Variants in DDA1 observed in about 807,000 individuals in gnomAD.
DDA1 encodes the protein DET1 and DDB1 associated 1, also known as DET1- and DDB1-associated protein 1.
A neutral mutation model predicts 18.6 loss-of-function variants in DDA1; 3 were observed. The ratio of observed to expected loss-of-function variants is 0.16; its 90% CI spans 0.07 to 0.42. DDA1 has a LOEUF of 0.42. Ranked by LOEUF, DDA1 falls within the 10% of genes least tolerant of loss-of-function variation. The probability of loss-of-function intolerance (pLI) is 0.99; values close to 1 mark genes in which losing one functional copy is unlikely to be tolerated. For synonymous variants in DDA1, 52 were observed against 54.0 expected (o/e 0.96, Z 0.17); for missense variants, 105 against 138.2 (o/e 0.76, Z 1.20).
chr19:17,313,895 G>A, intron 1 of DDA1, 128 bp from the exon 2 acceptor site: 2 of 737,696 alleles, frequency 2.7e-6, no homozygotes, highest in Non-Finnish European at 4.7e-6. Flanking sequence ...CAGCTCAAGG[G>A]TGTGTTCTGG....
At position 17,320,576 on chromosome 19, in the gene DDA1, C is replaced by T. The variant is rs750040338; in HGVS notation, c.*920C>T. The T allele has an allele frequency of 3.3e-5, 5 of 152,416 alleles. No homozygotes were observed. Among genetic ancestry groups the T allele is most frequent in the Non-Finnish European group, 5.9e-5 (4 of 68,168 alleles). 9.4% of individuals were successfully genotyped at this position (152,416 alleles called of 1,614,324 possible). The stretch of plus-strand genomic sequence containing the variant: ...GGGGTCAGCCCCCTGCCTGGGATAC[C>T]GCCAAGCAGGGCAGCGCACCTGTCA... On this transcript the variant is annotated 3_prime_UTR_variant, in exon 5 of 5. Coordinates refer to ENST00000359866, the MANE Select transcript of DDA1 (RefSeq NM_024050.6).
At position 17,323,114 on chromosome 19, in the gene DDA1, A is replaced by G. The variant is rs2074248088; in HGVS notation, c.*3458A>G. On this transcript the variant is annotated 3_prime_UTR_variant, in exon 5 of 5. Transcript: ENST00000359866. ...ACCCAGTTTTTGGGAGGAGGCCCTC[A>G]TGGGTCAAGCCAGCCTGTACCAGGA... 1 of 152,808 alleles carries G rather than the reference A, an allele frequency of 6.5e-6. No individual in the cohort carries two copies. The highest frequency in any genetic ancestry group is 2.1e-4 in the South Asian group (1 of 4,832). 9.5% of individuals were successfully genotyped at this position (152,808 alleles called of 1,614,324 possible). A position where few individuals can be genotyped will look rare whatever the true frequency, so the allele number is the denominator to read the frequency against.
Position 17,319,702 on chromosome 19 carries a change from C to T in DDA1, c.*46C>T, listed in dbSNP as rs985400485. 28 of 1,516,954 alleles carry T rather than the reference C, an allele frequency of 1.8e-5. No individual in the cohort carries two copies. The highest frequency in any genetic ancestry group is 7.4e-5 in the East Asian group (3 of 40,552). 94.0% of individuals were successfully genotyped at this position (1,516,954 alleles called of 1,614,324 possible). ...CCTCCTGCCAGGTCTGCTCCTCGGT[C>T]GCCCACCCGCCTGCCCGCCATGTGT... On this transcript the variant is annotated 3_prime_UTR_variant, in exon 5 of 5. Transcript: ENST00000359866.
intron 3 of DDA1, 92 bp from the exon 4 acceptor site, chr19:17,315,842 G>A (rs1288398686): frequency 2.4e-5 from 29 of 1,232,194 alleles, no homozygotes; most frequent in Non-Finnish European, 3.5e-5. Context: ...GGGGTACTGA[G>A]TTCCAGCCCC....
At position 17,322,347 on chromosome 19, in the gene DDA1, C is replaced by T. The variant is rs1404762329; in HGVS notation, c.*2691C>T. On this transcript the variant is annotated 3_prime_UTR_variant, in exon 5 of 5. Transcript: ENST00000359866. ...ACACACCCTGTGTAGCTCCCACTGC[C>T]TGTGGGAGGACGCTGGGCCCCTGAG... The T allele has an allele frequency of 6.5e-6, 1 of 153,492 alleles. No individual in the cohort carries two copies. Among genetic ancestry groups the T allele is most frequent in the African/African-American group, 2.4e-5 (1 of 41,456 alleles). The allele number at this position is 153,492 out of a possible 1,614,324, so 9.5% of individuals were successfully genotyped here.
intron 1 of DDA1, 115 bp from the exon 2 acceptor site, chr19:17,313,908 A>C: frequency 1.2e-6 from 1 of 838,814 alleles, no homozygotes. Flanking sequence ...TGTTCTGGAA[A>C]ACTTGAACTA....
intron 4 of DDA1, among the ~76,000 whole-genome samples, 167 bp from the exon 5 acceptor site, chr19:17,319,379 A>G (rs1299272036): frequency 6.6e-6 from 1 of 152,226 alleles, no homozygotes; most frequent in East Asian, 1.9e-4. Context: ...GCTGGGCAAC[A>G]TAGTGAAACC....
Position 17,315,394 on chromosome 19 carries a change from CTATA to C in DDA1, c.137-533_137-530del, listed in dbSNP as rs543814126. ...ATATACACACGTATATATATACACA[CTATA>C]TATATACATACGTGTGTGTGTGTGT... On this transcript the variant is annotated intron_variant, in intron 3 of 4. Transcript: ENST00000359866. Among the ~76,000 whole-genome samples, 183 of 91,012 alleles carry C rather than the reference CTATA, an allele frequency of 2.0e-3. 9 individuals carry two copies. Among genetic ancestry groups the C allele is most frequent in the African/African-American group, 7.0e-3 (172 of 24,430 alleles). 59.7% of individuals were successfully genotyped at this position (91,012 alleles called of 152,430 possible).
At chr19:17,315,429 C>CATATATATATATAT (rs56662339) in intron 3 of DDA1, among the ~76,000 whole-genome samples, 1,346 of 51,928 alleles carry the variant, frequency 0.026, 75 homozygotes, top group African/African-American at 0.045. Flanking sequence ...TGTGTGTGTG[C>CATATATATATATAT]ATATATATAT....
At chr19:17,311,048 G>GCAAC (rs2074176402) in intron 1 of DDA1, among the ~76,000 whole-genome samples, 1 of 152,152 alleles carries the variant, frequency 6.6e-6, no homozygotes, top group Non-Finnish European at 1.5e-5. Flanking sequence ...GAGAGATGGG[G>GCAAC]ATTCCCTATG....
At chr19:17,312,374 T>C (rs748903605) in intron 1 of DDA1, among the ~76,000 whole-genome samples, 11 of 151,932 alleles carry the variant, frequency 7.2e-5, no homozygotes, top group Non-Finnish European at 1.3e-4. Flanking sequence ...GCTCCCGAAG[T>C]GTCGGGGGAA....
At chr19:17,315,344 T>C (rs57046445) in intron 3 of DDA1, among the ~76,000 whole-genome samples, 1 of 79,540 alleles carries the variant, frequency 1.3e-5, no homozygotes, top group Non-Finnish European at 2.8e-5. Flanking sequence ...CGTATATATA[T>C]ACACGCTATA....
chr19:17,318,619 G>A (rs1015051614), intron 4 of DDA1, among the ~76,000 whole-genome samples: 1 of 151,884 alleles, frequency 6.6e-6, no homozygotes, highest in Non-Finnish European at 1.5e-5. Context: ...CACCCACCTC[G>A]GCCTCCCAAA....
intron 4 of DDA1, among the ~76,000 whole-genome samples, chr19:17,316,962 C>G (rs1364859357): frequency 6.6e-6 from 1 of 152,178 alleles, no homozygotes; most frequent in Non-Finnish European, 1.5e-5. Flanking sequence ...CGTGGTGGCT[C>G]ACACCTGTAA....
chr19:17,319,720 C>T lies in DDA1; in HGVS notation c.*64C>T, dbSNP rs2074230876. ...CCTCGGTCGCCCACCCGCCTGCCCGCCATGTGTAAGCACCCCGCCCGCCCG... is the reference window on the plus strand; with the variant it reads ...CCTCGGTCGCCCACCCGCCTGCCCGTCATGTGTAAGCACCCCGCCCGCCCG... On this transcript the variant is annotated 3_prime_UTR_variant, in exon 5 of 5. Transcript: ENST00000359866. 6.8e-7 allele frequency: 1 copy of T among 1,472,902 alleles called. No individual in the cohort carries two copies. The highest frequency in any genetic ancestry group is 1.4e-5 in the African/African-American group (1 of 71,518). The allele number at this position is 1,472,902 out of a possible 1,614,324, so 91.2% of individuals were successfully genotyped here.
Position 17,314,299 on chromosome 19 carries a change from T to C in DDA1, c.85-39T>C. ...GAGGGATGAGGAGACCCCAGGCCCA[T>C]GCACTCTCCTAACCCACCCCTTCTC... On this transcript the variant is annotated intron_variant, in intron 2 of 4. Coordinates refer to ENST00000359866, the MANE Select transcript of DDA1 (RefSeq NM_024050.6). The surrounding 1 kb of genome is among the most constrained non-coding windows in gnomAD (Gnocchi z 4.6). 6.2e-7 allele frequency: 1 copy of C among 1,613,772 alleles called. No homozygotes were observed. Among genetic ancestry groups the C allele is most frequent in the South Asian group, 1.1e-5 (1 of 91,070 alleles).
Position 17,322,574 on chromosome 19 carries a change from C to G in DDA1, c.*2918C>G, listed in dbSNP as rs1376252098. 1 of 152,336 alleles carries G rather than the reference C, an allele frequency of 6.6e-6. No individual in the cohort carries two copies. Among genetic ancestry groups the G allele is most frequent in the Non-Finnish European group, 1.5e-5 (1 of 68,134 alleles). 9.4% of individuals were successfully genotyped at this position (152,336 alleles called of 1,614,324 possible). On this transcript the variant is annotated 3_prime_UTR_variant, in exon 5 of 5. Coordinates refer to ENST00000359866, the MANE Select transcript of DDA1 (RefSeq NM_024050.6). Reference sequence around the variant, plus strand: ...CCATGTTGGTCTCTGAGCCTTAAGCCTTTGGATGTGGACACATTTGTCCTC... The same window carrying G: ...CCATGTTGGTCTCTGAGCCTTAAGCGTTTGGATGTGGACACATTTGTCCTC...
At position 17,314,484 on chromosome 19, in the gene DDA1, C is replaced by G. The variant is rs1206436975; in HGVS notation, c.136+95C>G. The G allele has an allele frequency of 7.2e-6, 11 of 1,528,556 alleles. No homozygotes were observed. The highest frequency in any genetic ancestry group is 9.9e-6 in the Non-Finnish European group (11 of 1,107,562). The allele number at this position is 1,528,556 out of a possible 1,614,324, so 94.7% of individuals were successfully genotyped here. On this transcript the variant is annotated intron_variant, in intron 3 of 4. Transcript: ENST00000359866. The surrounding 1 kb of genome is among the most constrained non-coding windows in gnomAD (Gnocchi z 4.6). Reference sequence around the variant, plus strand: ...ACGCGGAGGTTATCTTCAACCCCGGCCCAGGCCATAGACTTGGCTTGGGTT... The same window carrying G: ...ACGCGGAGGTTATCTTCAACCCCGGGCCAGGCCATAGACTTGGCTTGGGTT...
chr19:17,315,424 G>GCATATATATATATATA (rs1265232607), intron 3 of DDA1, among the ~76,000 whole-genome samples: 17 of 56,838 alleles, frequency 3.0e-4, no homozygotes, highest in African/African-American at 2.4e-3. Context: ...GTGTGTGTGT[G>GCATATATATATATATA]TGTGCATATA....
Sources: gnomAD v4.1 joint callset for allele counts (sites outside exome capture counted in the v4.1 genomes callset) on GRCh38, gnomAD v4.1.1 for gene constraint, Gnocchi (gnomAD v3.1) non-coding constraint, MANE v1.5 for transcripts, NCBI Gene and HGNC (gene_info 2026-07-23, HGNC 2026-07-21) for gene names.